The following EVC variants were observed in gnomAD, a reference collection of about 807,000 sequenced individuals.
EVC encodes EvC ciliary complex subunit 1.
A neutral mutation model predicts 118.9 loss-of-function variants in EVC; 116 were observed. That is an observed-to-expected ratio of 0.98 (90% CI 0.84 to 1.14). The LOEUF is 1.14. Among genes scored for constraint, EVC ranks in the 50% most tolerant of loss-of-function variants. The pLI is 0.00. For synonymous variants in EVC, 619 were observed against 534.7 expected, an observed-to-expected ratio of 1.16 and a Z score of -2.18; for missense variants, 1,401 against 1,246.4, an observed-to-expected ratio of 1.12 and a Z score of -1.87.
At chr4:5,783,870 G>T (rs1364684093) in intron 12 of EVC, 106 bp downstream of exon 12, 4 of 1,066,386 alleles carry the variant, frequency 3.8e-6, no homozygotes, top group Non-Finnish European at 5.6e-6. Context: ...TATTGTAGGT[G>T]CTCTACGGAG....
At chr4:5,724,700 AT>A (rs36029145) in intron 2 of EVC, among the ~76,000 whole-genome samples, 84,048 of 144,728 alleles carry the variant, frequency 0.58, 23,916 homozygotes, top group Middle Eastern at 0.64. Flanking sequence ...TTTCCCTGTT[AT>A]TTTTTTTTTT....
At chr4:5,724,548 C>G (rs1198678997) in intron 2 of EVC, among the ~76,000 whole-genome samples, 2 of 152,126 alleles carry the variant, frequency 1.3e-5, no homozygotes, top group Non-Finnish European at 2.9e-5. Context: ...AGTTCAGATC[C>G]CGGTTCTAGT....
chr4:5,717,095 A>G (rs954431372), intron 1 of EVC, among the ~76,000 whole-genome samples: 1 of 152,050 alleles, frequency 6.6e-6, no homozygotes, highest in African/African-American at 2.4e-5. Flanking sequence ...AAGAACTCCT[A>G]TCACTTTTTT....
At chr4:5,787,575 T>C (rs1311654605) in intron 12 of EVC, among the ~76,000 whole-genome samples, 1 of 151,634 alleles carries the variant, frequency 6.6e-6, no homozygotes, top group African/African-American at 2.4e-5. Flanking sequence ...CGGGGAGGAG[T>C]GCAGACCTGC....
In EVC at chr4:5,745,205, A is replaced by C. The variant is rs747991962; in HGVS notation, c.803A>C (p.Asp268Ala). The C allele has an allele frequency of 6.2e-7, 1 of 1,612,654 alleles. No individual in the cohort carries two copies. The highest frequency in any genetic ancestry group is 8.5e-7 in the Non-Finnish European group (1 of 1,179,584). ...TTCTTTTTTCTTCTTCTTCTTCAGGATTTGGAGGAACTAGAAAAGGGACTT... is the reference window on the plus strand; with the variant it reads ...TTCTTTTTTCTTCTTCTTCTTCAGGCTTTGGAGGAACTAGAAAAGGGACTT... ...YQKILSKQEK[D>A]LEELEKGLQV... Residue 268 changes from aspartate to alanine, a missense_variant and splice_region_variant, in exon 7 of 21, where the codon GAT (aspartate) becomes GCT (alanine). Transcript: ENST00000264956.
Position 5,711,454 on chromosome 4 carries a change from C to A in EVC, c.74C>A (p.Pro25His). The A allele has an allele frequency of 1.9e-6, 2 of 1,035,778 alleles. No individual in the cohort carries two copies. Among genetic ancestry groups the A allele is most frequent in the South Asian group, 8.6e-5 (2 of 23,128 alleles). The allele number at this position is 1,035,778 out of a possible 1,614,324, so 64.2% of individuals were successfully genotyped here. A position where few individuals can be genotyped will look rare whatever the true frequency, so the allele number is the denominator to read the frequency against. ...GGGCGGGACGCGCTGCGGCCGGCGC[C>A]CGCCCTGCTGGCCCCCGCCGTGCTG... ...LLGRDALRPA[P>H]ALLAPAVLLG... The change falls in exon 1 of 21, where the codon CCC becomes CAC. Residue 25 changes from proline (P) to histidine (H), a missense_variant. Transcript: ENST00000264956.
intron 1 of EVC, among the ~76,000 whole-genome samples, chr4:5,712,422 T>G (rs1723192749): frequency 6.6e-6 from 1 of 152,192 alleles, no homozygotes; most frequent in South Asian, 2.1e-4. Context: ...ATGCTTCCTA[T>G]GCAAGTGGCC....
Position 5,750,550 on chromosome 4 carries a change from C to T in EVC, c.1098+2244C>T, listed in dbSNP as rs764247046. 2.6e-5 allele frequency among the ~76,000 whole-genome samples: 4 copies of T among 152,156 alleles called. No individual in the cohort carries two copies. In the East Asian group the frequency reaches 5.8e-4, roughly 22 times the overall value. On this transcript the variant is annotated intron_variant, in intron 8 of 20. Transcript: ENST00000264956. ...GAGCTCCCACTGCAGTCTTGCCACT[C>T]GTTAGCTGTGTGATCTTGGGCAGAT... is the stretch of plus-strand genomic sequence containing the variant.
downstream of EVC, among the ~76,000 whole-genome samples, chr4:5,815,964 G>T (rs1044201665): frequency 6.6e-6 from 1 of 152,030 alleles, no homozygotes; most frequent in Admixed American, 6.5e-5. Context: ...TCCTCCTGTG[G>T]TGTATGGATT....
chr4:5,779,558 TC>T (rs202074123), intron 11 of EVC, among the ~76,000 whole-genome samples: 8,050 of 133,330 alleles, frequency 0.06, 310 homozygotes, highest in Middle Eastern at 0.19. Flanking sequence ...GTCCTTCACA[TC>T]CCTTGTAAGT....
chr4:5,824,330 A>C, the EVC span: 11 of 985,408 alleles, frequency 1.1e-5, no homozygotes, highest in Non-Finnish European at 1.3e-5. Context: ...CAAAAATATG[A>C]AACACTGGAA....
At chr4:5,729,766 G>C (rs1428219588) in intron 3 of EVC, among the ~76,000 whole-genome samples, 1 of 152,208 alleles carries the variant, frequency 6.6e-6, no homozygotes, top group Non-Finnish European at 1.5e-5. Flanking sequence ...GACAGGGCCA[G>C]TGTTGTGTTA....
chr4:5,798,491 G>T lies in EVC; in HGVS notation c.2098-95G>T. On this transcript the variant is annotated intron_variant, in intron 14 of 20. Transcript: ENST00000264956. The surrounding 1 kb of genome is among the most constrained non-coding windows in gnomAD (Gnocchi z 4.1). ...TTCTCCATCCCTTTTCCAACCCCTG[G>T]GCCCTGGATAGGACCAGCCCCACAT... The T allele has an allele frequency of 1.5e-6, 2 of 1,298,844 alleles. No homozygotes were observed. The highest frequency in any genetic ancestry group is 2.2e-6 in the Non-Finnish European group (2 of 920,172). The allele number at this position is 1,298,844 out of a possible 1,614,324, so 80.5% of individuals were successfully genotyped here. A position where few individuals can be genotyped will look rare whatever the true frequency, so the allele number is the denominator to read the frequency against.
downstream of EVC, among the ~76,000 whole-genome samples, chr4:5,819,197 C>A (rs1560465065): frequency 6.6e-6 from 1 of 152,052 alleles, no homozygotes; most frequent in East Asian, 1.9e-4. Context: ...TAGAAAAAAC[C>A]CAGAAGACTA....
chr4:5,733,231 C>T, intron 4 of EVC, 120 bp from the exon 5 acceptor site: 1 of 823,430 alleles, frequency 1.2e-6, no homozygotes, highest in Non-Finnish European at 2.1e-6. Context: ...CAGCATGCTG[C>T]AGAATGAGAG....
chr4:5,758,074 T>G, intron 11 of EVC: 1 of 702,384 alleles, frequency 1.4e-6, no homozygotes, highest in Non-Finnish European at 2.6e-6. Context: ...GCTGGTGTCC[T>G]TATAAGAAGG....
rs377333277 is a variant in EVC, at chr4:5,736,490, G to A, written c.702+3055G>A. Among the ~76,000 whole-genome samples, 9 of 149,202 alleles carry A rather than the reference G, an allele frequency of 6.0e-5. 1 individual carries two copies. Among genetic ancestry groups the A allele is most frequent in the Non-Finnish European group, 1.0e-4 (7 of 67,728 alleles). ...GCGTTATTGCATTTCACTTAATTGC[G>A]CTTCAGAGATGCTGCATTTTTTTTT... On this transcript the variant is annotated intron_variant, in intron 5 of 20. Coordinates refer to ENST00000264956, the MANE Select transcript of EVC (RefSeq NM_153717.3).
chr4:5,783,640 C>T lies in EVC; in HGVS notation c.1652C>T (p.Pro551Leu), dbSNP rs371682994. 3.1e-5 allele frequency: 50 copies of T among 1,614,166 alleles called. 1 individual carries two copies. Among genetic ancestry groups the T allele is most frequent in the South Asian group, 1.3e-4 (12 of 91,082 alleles). The change falls in exon 12 of 21, where the codon CCG (proline) becomes CTG (leucine). Residue 551 changes from proline (P) to leucine (L), a missense_variant. Physicochemically the swap from Pro to Leu is moderately conservative, Grantham distance 98. Coordinates refer to ENST00000264956, the MANE Select transcript of EVC (RefSeq NM_153717.3). ...QTLPGMTGLP[P>L]EECDYLRQEV... ...CTCCCTGGCATGACTGGCCTCCCCC[C>T]GGAAGAGTGTGACTACTTGAGGCAG... is the stretch of plus-strand genomic sequence containing the variant.
At chr4:5,814,858 GAAC>G (rs945769908), downstream of EVC, among the ~76,000 whole-genome samples, 8 of 151,852 alleles carry the variant, frequency 5.3e-5, no homozygotes, top group Non-Finnish European at 1.2e-4. Flanking sequence ...CCCCAACCCT[GAAC>G]AACATCAGGG....
Sources: allele counts gnomAD v4.1 joint callset (sites outside exome capture counted in the v4.1 genomes callset), GRCh38; gene constraint gnomAD v4.1.1; non-coding constraint Gnocchi (gnomAD v3.1); transcripts MANE v1.5; gene names NCBI Gene and HGNC (gene_info 2026-07-23, HGNC 2026-07-21).